The following DMD variants were observed in gnomAD, a reference collection of about 807,000 sequenced individuals.
DMD encodes mutant dystrophin.
Under a neutral mutation model 330.1 loss-of-function variants are expected in DMD, and 63 were observed. The observed-to-expected ratio is 0.19, with a 90% CI of 0.16 to 0.24. The LOEUF (loss-of-function observed/expected upper bound fraction) is 0.24, where lower values mean the gene tolerates loss of function less well. Among genes scored for constraint, DMD ranks in the 10% least tolerant of loss-of-function variants. The probability of loss-of-function intolerance (pLI) is 1.00; values close to 1 mark genes in which losing one functional copy is unlikely to be tolerated. For missense variants in DMD, 3,344 were observed against 2,684.1 expected (o/e 1.25, Z -5.43); for synonymous variants, 1,223 against 959.8 (o/e 1.27, Z -5.07).
At chrX:31,569,652 A>ATATACACGTATATACGTATATACACG (rs1556698908) in intron 55 of DMD, among the ~76,000 whole-genome samples, 2 of 93,192 alleles carry the variant, frequency 2.1e-5, no homozygotes, top group African/African-American at 8.2e-5. Context: ...GTATATACGT[A>ATATACACGTATATACGTATATACACG]TATATACGTA....
chrX:32,870,171 T>A (rs1424851013), intron 2 of DMD, among the ~76,000 whole-genome samples: 3 of 111,731 alleles, frequency 2.7e-5, no homozygotes, highest in African/African-American at 9.8e-5. Flanking sequence ...AAATCATGTA[T>A]GAACTCCCAT....
chrX:32,634,686 T>C (rs1302024277), intron 11 of DMD, among the ~76,000 whole-genome samples: 1 of 111,808 alleles, frequency 8.9e-6, no homozygotes, highest in African/African-American at 3.3e-5. Flanking sequence ...TGCCCTATCC[T>C]ATTGTATGTC....
chrX:32,860,051 A>AC (rs2081956570), intron 2 of DMD, among the ~76,000 whole-genome samples: 1 of 111,848 alleles, frequency 8.9e-6, no homozygotes, highest in African/African-American at 3.3e-5. Flanking sequence ...CACAACACGA[A>AC]AGGACCTAAA....
intron 74 of DMD, among the ~76,000 whole-genome samples, chrX:31,149,590 T>G (rs774251376): frequency 8.9e-6 from 1 of 112,477 alleles, no homozygotes; most frequent in African/African-American, 3.2e-5. Context: ...GTGAAGCTCC[T>G]TACTTACTAT....
In DMD at chrX:32,199,402, G is replaced by T. The variant is rs2097021604; in HGVS notation, c.6438+17514C>A. 2.7e-5 allele frequency among the ~76,000 whole-genome samples: 3 copies of T among 111,072 alleles called. No homozygotes were observed. In the South Asian group the frequency reaches 1.1e-3, roughly 43 times the overall value. Reference sequence around the variant, plus strand: ...ACTCACTTGTTTTCACCTTTGAAATGAGTTAGTTTTCACTGAGTGCTGTTG... The same window carrying T: ...ACTCACTTGTTTTCACCTTTGAAATTAGTTAGTTTTCACTGAGTGCTGTTG... On this transcript the variant is annotated intron_variant, in intron 44 of 78. Transcript: ENST00000357033.
At chrX:31,549,946 A>C (rs1333613581) in intron 55 of DMD, among the ~76,000 whole-genome samples, 1 of 112,703 alleles carries the variant, frequency 8.9e-6, no homozygotes, top group Non-Finnish European at 1.9e-5. Context: ...CACAGAAACC[A>C]CACCATAGGT....
intron 54 of DMD, among the ~76,000 whole-genome samples, chrX:31,654,926 T>C (rs186891912): frequency 2.4e-4 from 26 of 109,822 alleles, no homozygotes; most frequent in African/African-American, 8.6e-4. Flanking sequence ...AAAATAAAAA[T>C]AAAAATAAAA....
chrX:32,578,513 C>T (rs1242997186), intron 13 of DMD, among the ~76,000 whole-genome samples: 2 of 111,986 alleles, frequency 1.8e-5, no homozygotes, highest in African/African-American at 6.5e-5. Context: ...CCATTTAATT[C>T]ACATGTCATA....
At chrX:32,918,392 C>T (rs954328712) in intron 2 of DMD, among the ~76,000 whole-genome samples, 7 of 111,567 alleles carry the variant, frequency 6.3e-5, no homozygotes, top group African/African-American at 1.6e-4. Context: ...CGCACTCTGT[C>T]GCCCAGATGG....
intron 43 of DMD, among the ~76,000 whole-genome samples, chrX:32,241,972 G>C (rs1186583047): frequency 9.0e-6 from 1 of 111,202 alleles, no homozygotes; most frequent in Non-Finnish European, 1.9e-5. Flanking sequence ...TCTCAACCCA[G>C]CCGGTTCTAT....
intron 43 of DMD, among the ~76,000 whole-genome samples, chrX:32,272,260 G>A (rs149561690): frequency 8.3e-4 from 93 of 112,082 alleles, no homozygotes; most frequent in African/African-American, 2.9e-3. Context: ...GGTGGTATTT[G>A]CACTGAATGC....
intron 55 of DMD, among the ~76,000 whole-genome samples, chrX:31,566,295 C>CT (rs201177137): frequency 0.017 from 1,904 of 110,271 alleles, 38 homozygotes; most frequent in African/African-American, 0.056. Context: ...GGTTGAAGTT[C>CT]TTTTTTTTTC....
intron 1 of DMD, among the ~76,000 whole-genome samples, chrX:33,265,788 C>G (rs1402128195): frequency 9.0e-6 from 1 of 111,457 alleles, no homozygotes; most frequent in Non-Finnish European, 1.9e-5. Context: ...CACGTTAAAA[C>G]TCCTGAACTT....
chrX:32,292,464 C>A (rs749456984), intron 42 of DMD, among the ~76,000 whole-genome samples: 57 of 107,838 alleles, frequency 5.3e-4, no homozygotes, highest in Middle Eastern at 4.8e-3. Flanking sequence ...CCCACCACCA[C>A]GCCTGGCTAA....
intron 44 of DMD, among the ~76,000 whole-genome samples, chrX:32,212,383 ATTAG>A (rs2097096700): frequency 8.9e-6 from 1 of 112,122 alleles, no homozygotes; most frequent in Admixed American, 9.5e-5. Context: ...ATAAAGAGTG[ATTAG>A]TTATAATAGG....
intron 76 of DMD, 80 bp from the exon 77 acceptor site, chrX:31,134,274 C>T (rs974142268): frequency 1.3e-6 from 1 of 780,472 alleles, no homozygotes; most frequent in Non-Finnish European, 1.9e-6. Flanking sequence ...ACATTTTTAA[C>T]ACCATTATAA....
intron 44 of DMD, among the ~76,000 whole-genome samples, chrX:32,093,530 C>T (rs1450717567): frequency 1.8e-5 from 2 of 111,700 alleles, no homozygotes; most frequent in African/African-American, 6.5e-5. Flanking sequence ...TGTCGAAAAA[C>T]TAAAAATTTA....
At chrX:32,903,563 G>A (rs921524905) in intron 2 of DMD, among the ~76,000 whole-genome samples, 1 of 111,488 alleles carries the variant, frequency 9.0e-6, no homozygotes, top group Non-Finnish European at 1.9e-5. Flanking sequence ...CTCATACCCA[G>A]AGATTCTGAT....
In DMD at chrX:32,040,393, C is replaced by A. The variant is rs764454927; in HGVS notation, c.6439-71879G>T. On this transcript the variant is annotated intron_variant, in intron 44 of 78. Coordinates refer to ENST00000357033, the MANE Select transcript of DMD (RefSeq NM_004006.3). The stretch of plus-strand genomic sequence containing the variant: ...TCCTTTTCTATTTGGTTCACTGGCC[C>A]TTTAACCCCAAAGCAGTTTCCACTC... Among the ~76,000 whole-genome samples the A allele has an allele frequency of 2.7e-5, 3 of 112,240 alleles. 1 individual carries two copies. The South Asian group carries it at 1.1e-3, about 41-fold the overall frequency.
Sources: allele counts gnomAD v4.1 joint callset (sites outside exome capture counted in the v4.1 genomes callset), GRCh38; gene constraint gnomAD v4.1.1; transcripts MANE v1.5; gene names NCBI Gene and HGNC (gene_info 2026-07-23, HGNC 2026-07-21).